Variants in CEP57L1 observed in about 807,000 individuals in gnomAD.
CEP57L1 encodes the protein centrosomal protein CEP57L1.
CEP57L1 carries 37 observed loss-of-function variants against 61.0 expected under a neutral mutation model. The observed-to-expected ratio is 0.61, with a 90% CI of 0.47 to 0.80. CEP57L1 has a LOEUF of 0.80. Among genes scored for constraint, CEP57L1 ranks in the 30% least tolerant of loss-of-function variants. The pLI is 0.00. For synonymous variants in CEP57L1, 137 were observed against 162.3 expected, an observed-to-expected ratio of 0.84 and a Z score of 1.19; for missense variants, 422 against 524.7, an observed-to-expected ratio of 0.80 and a Z score of 1.91.
intron 1 of CEP57L1, among the ~76,000 whole-genome samples, chr6:109,121,050 G>A (rs1260158950): frequency 6.6e-6 from 1 of 152,104 alleles, no homozygotes; most frequent in Non-Finnish European, 1.5e-5. Flanking sequence ...AAGGATGAGA[G>A]TCAGATTAGA....
intron 1 of CEP57L1, among the ~76,000 whole-genome samples, chr6:109,131,956 C>T (rs1044388808): frequency 6.6e-6 from 1 of 152,124 alleles, no homozygotes; most frequent in African/African-American, 2.4e-5. Context: ...TGTGAATCAT[C>T]CCCTGTGGAT....
Position 109,136,664 on chromosome 6 carries a change from C to T in CEP57L1, c.-3-8555C>T, listed in dbSNP as rs375567130. On this transcript the variant is annotated intron_variant, in intron 1 of 10. Transcript: ENST00000517392. ...TGATGAGGGTCACACAGCGGTGCTTCAGTTTGAACCAAAGAAGTCTGCTCT... is the reference window on the plus strand; with the variant it reads ...TGATGAGGGTCACACAGCGGTGCTTTAGTTTGAACCAAAGAAGTCTGCTCT... 1.9e-4 allele frequency among the ~76,000 whole-genome samples: 28 copies of T among 151,204 alleles called. No homozygotes were observed. In the East Asian group the frequency reaches 4.8e-3, roughly 26 times the overall value.
chr6:109,173,309 C>A lies in CEP57L1; in HGVS notation c.*10339C>A, dbSNP rs886172418. ...CTAAAAGGTCAGTTGGAACATGAGA[C>A]CATTTAAAGAATATTATTTCCTTCC... On this transcript the variant is annotated 3_prime_UTR_variant, in exon 11 of 11. Transcript: ENST00000517392. 2.6e-5 allele frequency among the ~76,000 whole-genome samples: 4 copies of A among 151,824 alleles called. No individual in the cohort carries two copies. Among genetic ancestry groups the A allele is most frequent in the African/African-American group, 9.7e-5 (4 of 41,336 alleles).
At position 109,153,929 on chromosome 6, in the gene CEP57L1, A is replaced by G. The variant is rs761101503; in HGVS notation, c.559A>G (p.Thr187Ala). The stretch of plus-strand genomic sequence containing the variant: ...AGAAAAAGAGTGTTTCAGACTTACA[A>G]CAACTCAGAAAACTGCTGAGGTAAG... ...VLEKECFRLT[T>A]TQKTAEDKIK... The change falls in exon 5 of 11, where the codon ACA (threonine) becomes GCA (alanine). Residue 187 changes from threonine (T) to alanine (A), a missense_variant. Physicochemically the swap from Thr to Ala is moderately conservative, Grantham distance 58. Transcript: ENST00000517392. 1 of 1,600,124 alleles carries G rather than the reference A, an allele frequency of 6.2e-7. No individual in the cohort carries two copies. The highest frequency in any genetic ancestry group is 8.5e-7 in the Non-Finnish European group (1 of 1,170,234).
chr6:109,144,336 A>G (rs111371148), intron 1 of CEP57L1, among the ~76,000 whole-genome samples: 2,148 of 152,270 alleles, frequency 0.014, 25 homozygotes, highest in Non-Finnish European at 0.02. Flanking sequence ...GGCTAATGTT[A>G]TAGTGTAATT....
At chr6:109,136,139 A>G in intron 1 of CEP57L1, among the ~76,000 whole-genome samples, 2 of 152,204 alleles carry the variant, frequency 1.3e-5, no homozygotes, top group African/African-American at 4.8e-5. Flanking sequence ...GGCACTATTC[A>G]CAATAGCAAA....
In CEP57L1 at chr6:109,164,518, G is replaced by A. The variant is rs149667828; in HGVS notation, c.*1548G>A. Among the ~76,000 whole-genome samples, 92 of 152,196 alleles carry A rather than the reference G, an allele frequency of 6.0e-4. No individual in the cohort carries two copies. Among genetic ancestry groups the A allele is most frequent in the Non-Finnish European group, 1.0e-3 (71 of 68,012 alleles). ...TCACACCCTTAGCTCCTCAGCCCTG[G>A]AGATGTTCCATAGGGTGTTTGATCT... On this transcript the variant is annotated 3_prime_UTR_variant, in exon 11 of 11. Coordinates refer to ENST00000517392, the MANE Select transcript of CEP57L1 (RefSeq NM_001271852.3).
At chr6:109,146,072 T>C (rs1771930480) in intron 2 of CEP57L1, among the ~76,000 whole-genome samples, 1 of 151,922 alleles carries the variant, frequency 6.6e-6, no homozygotes, top group Admixed American at 6.6e-5. Flanking sequence ...ATATAATTTA[T>C]TTATCTCATT....
At chr6:109,143,714 ATAT>A (rs1334531312) in intron 1 of CEP57L1, among the ~76,000 whole-genome samples, 2 of 152,144 alleles carry the variant, frequency 1.3e-5, no homozygotes, top group East Asian at 3.9e-4. Context: ...TTGTGAAATA[ATAT>A]TATACTTAGG....
At chr6:109,095,635 C>A in intron 1 of CEP57L1, 60 bp downstream of exon 1, 1 of 961,714 alleles carries the variant, frequency 1.0e-6, no homozygotes, top group Non-Finnish European at 1.2e-6. Context: ...TCCTCCATTT[C>A]CTCTGGGATT....
rs72093696 is a variant in CEP57L1, at chr6:109,168,590, ATTTT to A, written c.*5639_*5642del. On this transcript the variant is annotated 3_prime_UTR_variant, in exon 11 of 11. Coordinates refer to ENST00000517392, the MANE Select transcript of CEP57L1 (RefSeq NM_001271852.3). ...ATCAATTTAGCGGGTCACTACCAGC[ATTTT>A]TTTTTTTTTTTTTTTTTTGAGATTG... 8.9e-6 allele frequency among the ~76,000 whole-genome samples: 1 copy of A among 112,062 alleles called. No homozygotes were observed. The highest frequency in any genetic ancestry group is 1.8e-5 in the Non-Finnish European group (1 of 55,134). The allele number at this position is 112,062 out of a possible 152,430, so 73.5% of individuals were successfully genotyped here.
At chr6:109,118,826 C>G (rs986696602) in intron 1 of CEP57L1, among the ~76,000 whole-genome samples, 1 of 152,116 alleles carries the variant, frequency 6.6e-6, no homozygotes, top group Non-Finnish European at 1.5e-5. Context: ...CTTGGAGCTC[C>G]ACATAGCTTT....
At chr6:109,157,932 A>G (rs992319982) in intron 7 of CEP57L1, 2 of 152,092 alleles carry the variant, frequency 1.3e-5, no homozygotes, top group African/African-American at 4.8e-5. Context: ...CTCTTCCACC[A>G]CTAAAAAACT....
rs745721249 is a variant in CEP57L1 at position 109,153,855 on chromosome 6, A to G, written c.485A>G (p.Glu162Gly). 2.5e-6 allele frequency: 4 copies of G among 1,611,460 alleles called. No homozygotes were observed. Among genetic ancestry groups the G allele is most frequent in the Non-Finnish European group, 3.4e-6 (4 of 1,178,832 alleles). The change falls in exon 5 of 11, where the codon GAA becomes GGA. Residue 162 changes from glutamate (E) to glycine (G), a missense_variant. By Grantham distance (98) the Glu-to-Gly change is moderately conservative. Transcript: ENST00000517392. ...TAGGCCCAGCTTCAGAGGGAAAAAG[A>G]ACAAGATCAGATGAAGCTGTATGCA... ...EQQAQLQREKEQDQMKLYAKL... is the reference protein window; with the variant it reads ...EQQAQLQREKGQDQMKLYAKL...
chr6:109,136,829 C>T (rs951392495), intron 1 of CEP57L1, among the ~76,000 whole-genome samples: 1 of 151,914 alleles, frequency 6.6e-6, no homozygotes, highest in East Asian at 1.9e-4. Flanking sequence ...AATCTCGGCT[C>T]ACTGCAGCCT....
chr6:109,161,507 C>G (rs890912021), intron 10 of CEP57L1, among the ~76,000 whole-genome samples: 1 of 151,978 alleles, frequency 6.6e-6, no homozygotes, highest in Admixed American at 6.6e-5. Context: ...TAAGCCTCCC[C>G]GCGTTTTATA....
At chr6:109,152,325 C>T (rs1417845214) in intron 4 of CEP57L1, among the ~76,000 whole-genome samples, 4 of 152,072 alleles carry the variant, frequency 2.6e-5, no homozygotes, top group South Asian at 2.1e-4. Flanking sequence ...GGATTACAGG[C>T]GCCCGCCACC....
intron 3 of CEP57L1, 95 bp from the exon 4 acceptor site, chr6:109,150,023 A>T (rs1388703312): frequency 2.9e-5 from 19 of 648,752 alleles, no homozygotes; most frequent in Non-Finnish European, 4.2e-5. Flanking sequence ...TTTTGGGCTG[A>T]GACAATGGGG....
chr6:109,144,986 G>A (rs996525973), intron 1 of CEP57L1, among the ~76,000 whole-genome samples: 2 of 151,948 alleles, frequency 1.3e-5, no homozygotes, highest in African/African-American at 2.4e-5. Flanking sequence ...TTACTCCAGG[G>A]TATATGATTA....
Sources: allele counts gnomAD v4.1 joint callset (sites outside exome capture counted in the v4.1 genomes callset), GRCh38; gene constraint gnomAD v4.1.1; transcripts MANE v1.5; gene names NCBI Gene and HGNC (gene_info 2026-07-23, HGNC 2026-07-21).